COP1: variants seen among roughly 807,000 people sequenced by gnomAD.
COP1 encodes E3 ubiquitin-protein ligase COP1.
A neutral mutation model predicts 101.3 loss-of-function variants in COP1; 24 were observed. The observed-to-expected ratio is 0.24, with a 90% CI of 0.17 to 0.33. The LOEUF (loss-of-function observed/expected upper bound fraction) is 0.33, where lower values mean the gene tolerates loss of function less well. Among genes scored for constraint, COP1 ranks in the 10% least tolerant of loss-of-function variants. COP1 has a pLI of 1.00. For synonymous variants in COP1, 347 were observed against 341.9 expected, an observed-to-expected ratio of 1.01 and a Z score of -0.17; for missense variants, 663 against 906.2, an observed-to-expected ratio of 0.73 and a Z score of 3.45.
chr1:175,989,122 G>A (rs569931158), intron 16 of COP1: 31 of 328,352 alleles, frequency 9.4e-5, no homozygotes, highest in Non-Finnish European at 1.6e-4. Context: ...TAAGGGGGGA[G>A]GGTATATAAA....
At position 176,149,033 on chromosome 1, in the gene COP1, G is replaced by C. The variant is rs1404570382; in HGVS notation, c.804C>G (p.Leu268=). ...AAQLQILMEF[L]KVARRNKREQ... is the part of the protein sequence containing the mutation. ...CTCTCTTATTTCTTCTTGCAACCTT[G>C]AGGAATTCCATAAGAATCTGTAGTT... The change falls in exon 6 of 20, where the codon CTC becomes CTG. Residue 268 remains leucine (L), a synonymous_variant. Transcript: ENST00000367669. 6.3e-7 allele frequency: 1 copy of C among 1,586,378 alleles called. No individual in the cohort carries two copies. The highest frequency in any genetic ancestry group is 1.3e-5 in the African/African-American group (1 of 74,342).
At chr1:175,997,606 C>G (rs1660502452) in intron 15 of COP1, among the ~76,000 whole-genome samples, 1 of 152,182 alleles carries the variant, frequency 6.6e-6, no homozygotes, top group South Asian at 2.1e-4. Flanking sequence ...ACAGACACTT[C>G]TCAAAAGAAG....
intron 18 of COP1, among the ~76,000 whole-genome samples, chr1:175,983,465 GAA>G (rs1656360807): frequency 6.6e-6 from 1 of 152,174 alleles, no homozygotes; most frequent in African/African-American, 2.4e-5. Context: ...TAGCCATGTG[GAA>G]CTGCGAGTCC....
intron 18 of COP1, among the ~76,000 whole-genome samples, chr1:175,966,023 C>A (rs1246312407): frequency 6.6e-6 from 1 of 152,144 alleles, no homozygotes; most frequent in East Asian, 1.9e-4. Context: ...GTTCCAATAT[C>A]ATCTTCAAAG....
At chr1:176,026,250 A>C (rs1429600307) in intron 15 of COP1, among the ~76,000 whole-genome samples, 5 of 152,122 alleles carry the variant, frequency 3.3e-5, no homozygotes, top group Admixed American at 1.3e-4. Context: ...AAAATATTAT[A>C]TCCATAAATG....
chr1:176,182,702 C>T lies in COP1; in HGVS notation c.467+1931G>A, dbSNP rs550744381. 2.0e-5 allele frequency among the ~76,000 whole-genome samples: 3 copies of T among 152,290 alleles called. No homozygotes were observed. In the East Asian group the frequency reaches 5.8e-4, roughly 29 times the overall value. On this transcript the variant is annotated intron_variant, in intron 2 of 19. Coordinates refer to ENST00000367669, the MANE Select transcript of COP1 (RefSeq NM_022457.7). ...CTAAGATGCTAGGTCAATTTATGGA[C>T]CAAAGAGAACACTACTGCCGAACAA... is the stretch of plus-strand genomic sequence containing the variant.
chr1:175,991,129 A>T (rs1376703796), intron 15 of COP1, among the ~76,000 whole-genome samples: 1 of 152,082 alleles, frequency 6.6e-6, no homozygotes, highest in Non-Finnish European at 1.5e-5. Flanking sequence ...AATAATACAT[A>T]CTTAACAATG....
chr1:176,133,711 G>A (rs910157504), intron 8 of COP1: 2 of 353,060 alleles, frequency 5.7e-6, no homozygotes, highest in African/African-American at 4.3e-5. Context: ...GAGAGACTGA[G>A]TAACAAAGAT....
chr1:176,165,360 T>TG (rs1558240408), intron 3 of COP1, among the ~76,000 whole-genome samples: 31 of 104,380 alleles, frequency 3.0e-4, no homozygotes, highest in Non-Finnish European at 5.4e-4. Flanking sequence ...GAGATGTGTG[T>TG]CGTGTGTGTG....
rs1212803591 is a variant in COP1, at chr1:176,173,986, C to CAAAAAAAAAAAAAAAAAAA, written c.565+1905_565+1923dup. Among the ~76,000 whole-genome samples, 5 of 49,074 alleles carry CAAAAAAAAAAAAAAAAAAA rather than the reference C, an allele frequency of 1.0e-4. 1 individual carries two copies. Among genetic ancestry groups the CAAAAAAAAAAAAAAAAAAA allele is most frequent in the African/African-American group, 2.0e-4 (3 of 14,980 alleles). 32.2% of individuals were successfully genotyped at this position (49,074 alleles called of 152,430 possible). A position where few individuals can be genotyped will look rare whatever the true frequency, so the allele number is the denominator to read the frequency against. On this transcript the variant is annotated intron_variant, in intron 3 of 19. Transcript: ENST00000367669. ...TGGGCAACAGAGTGAGATGCTGTCT[C>CAAAAAAAAAAAAAAAAAAA]AAAAAAAAAAAAAAAAAAAAAAGAG... is the stretch of plus-strand genomic sequence containing the variant.
chr1:176,104,357 G>A (rs1683940520), intron 9 of COP1, among the ~76,000 whole-genome samples: 1 of 151,650 alleles, frequency 6.6e-6, no homozygotes, highest in South Asian at 2.1e-4. Context: ...ACTTTTGAAT[G>A]GTAAAAAAAT....
At chr1:176,061,169 T>A (rs1674768230) in intron 11 of COP1, among the ~76,000 whole-genome samples, 1 of 152,246 alleles carries the variant, frequency 6.6e-6, no homozygotes, top group Non-Finnish European at 1.5e-5. Flanking sequence ...TACAGTCAAT[T>A]CATTTTAAAC....
chr1:176,117,141 T>A (rs1029295986), intron 8 of COP1, among the ~76,000 whole-genome samples: 16 of 152,166 alleles, frequency 1.1e-4, no homozygotes, highest in African/African-American at 3.4e-4. Context: ...AGTTTCCTCA[T>A]CTGTAAAAAT....
At chr1:176,035,035 C>A (rs917958438) in intron 14 of COP1, among the ~76,000 whole-genome samples, 1 of 152,092 alleles carries the variant, frequency 6.6e-6, no homozygotes, top group Non-Finnish European at 1.5e-5. Flanking sequence ...TAAGAGACAA[C>A]CCCAAAATTA....
At chr1:175,968,823 A>T (rs1302985591) in intron 18 of COP1, among the ~76,000 whole-genome samples, 3 of 152,220 alleles carry the variant, frequency 2.0e-5, no homozygotes, top group Non-Finnish European at 4.4e-5. Flanking sequence ...AACTGGCCCT[A>T]AACAACTTGA....
intron 9 of COP1, among the ~76,000 whole-genome samples, chr1:176,090,972 T>C (rs937614148): frequency 6.6e-6 from 1 of 152,192 alleles, no homozygotes; most frequent in Non-Finnish European, 1.5e-5. Flanking sequence ...TTTTTGTCTA[T>C]ACAGCAAAAA....
intron 15 of COP1, among the ~76,000 whole-genome samples, chr1:176,015,454 T>C (rs1325610775): frequency 6.6e-6 from 1 of 152,156 alleles, no homozygotes; most frequent in African/African-American, 2.4e-5. Context: ...GTCAGATTCC[T>C]ATCCAAAATA....
chr1:176,161,082 T>C (rs1269760762), intron 5 of COP1, among the ~76,000 whole-genome samples: 1 of 152,204 alleles, frequency 6.6e-6, no homozygotes, highest in South Asian at 2.1e-4. Flanking sequence ...GGTCAGTTCT[T>C]AGCTTTCTCC....
At chr1:176,110,168 C>T (rs1029623265) in intron 9 of COP1, among the ~76,000 whole-genome samples, 4 of 152,182 alleles carry the variant, frequency 2.6e-5, no homozygotes, top group South Asian at 2.1e-4. Context: ...ACCAATTTTT[C>T]GAAATTCTCC....
Sources: gnomAD v4.1 joint callset for allele counts (sites outside exome capture counted in the v4.1 genomes callset) on GRCh38, gnomAD v4.1.1 for gene constraint, MANE v1.5 for transcripts, NCBI Gene and HGNC (gene_info 2026-07-23, HGNC 2026-07-21) for gene names.